The following PKHD1L1 variants were observed in gnomAD, a reference collection of about 807,000 sequenced individuals.
The protein encoded by PKHD1L1 is PKHD1 like 1.
PKHD1L1 carries 434 observed loss-of-function variants against 462.9 expected under a neutral mutation model. The ratio of observed to expected loss-of-function variants is 0.94; its 90% confidence interval spans 0.87 to 1.02. PKHD1L1 has a LOEUF of 1.02. Among genes scored for constraint, PKHD1L1 ranks in the 50% least tolerant of loss-of-function variants. The probability of loss-of-function intolerance (pLI) is 0.00; values close to 1 mark genes in which losing one functional copy is unlikely to be tolerated. For missense variants in PKHD1L1, 5,202 were observed against 5,096.1 expected (o/e 1.02, Z -0.63); for synonymous variants, 1,781 against 1,750.0 (o/e 1.02, Z -0.44).
In PKHD1L1 at chr8:109,485,058, T is replaced by C. The variant is rs1289689358; in HGVS notation, c.9591T>C (p.Ile3197=). The C allele has an allele frequency of 2.5e-6, 4 of 1,594,008 alleles. No homozygotes were observed. Among genetic ancestry groups the C allele is most frequent in the African/African-American group, 1.3e-5 (1 of 74,112 alleles). Reference sequence around the variant, plus strand: ...ATTTTTCTAAGGAGGGAGAAGAGATTGTGATAACAACCACAAGCTACGATT... The same window carrying C: ...ATTTTTCTAAGGAGGGAGAAGAGATCGTGATAACAACCACAAGCTACGATT... ...DAVDWQEGEE[I]VITTTSYDFH... is the part of the protein sequence containing the mutation. Residue 3197 remains isoleucine (I), a synonymous_variant, in exon 58 of 78, where the codon ATT becomes ATC. Coordinates refer to ENST00000378402, the MANE Select transcript of PKHD1L1 (RefSeq NM_177531.6).
intron 73 of PKHD1L1, among the ~76,000 whole-genome samples, chr8:109,520,918 T>C (rs2131024256): frequency 6.6e-6 from 1 of 152,218 alleles, no homozygotes; most frequent in South Asian, 2.1e-4. Flanking sequence ...GACCTGCCAC[T>C]CCATGCCAAA....
chr8:109,457,779 A>G lies in PKHD1L1; in HGVS notation c.7004+1388A>G, dbSNP rs571301613. Among the ~76,000 whole-genome samples, 41 of 152,342 alleles carry G rather than the reference A, an allele frequency of 2.7e-4. 1 individual carries two copies. The South Asian group carries it at 6.4e-3, about 24-fold the overall frequency. ...CAACAAAGGAAGGAAAGATGTGTTT[A>G]GGTACATACAACATATGAAAATGCT... On this transcript the variant is annotated intron_variant, in intron 46 of 77. Coordinates refer to ENST00000378402, the MANE Select transcript of PKHD1L1 (RefSeq NM_177531.6).
chr8:109,516,996 G>A (rs1237229364), intron 72 of PKHD1L1, among the ~76,000 whole-genome samples: 1 of 151,942 alleles, frequency 6.6e-6, no homozygotes, highest in Non-Finnish European at 1.5e-5. Flanking sequence ...TCACAGTAAT[G>A]AAAAAAGCAG....
At chr8:109,371,764 C>T (rs1182555674) in intron 2 of PKHD1L1, among the ~76,000 whole-genome samples, 1 of 151,704 alleles carries the variant, frequency 6.6e-6, no homozygotes, top group Admixed American at 6.6e-5. Flanking sequence ...ATAGGGAATC[C>T]TTTCCCCATT....
chr8:109,496,404 G>A (rs974260454), intron 63 of PKHD1L1, among the ~76,000 whole-genome samples: 1 of 152,198 alleles, frequency 6.6e-6, no homozygotes, highest in Non-Finnish European at 1.5e-5. Flanking sequence ...ATGGAAAGAT[G>A]TTCAGGGGAA....
intron 56 of PKHD1L1, 28 bp downstream of exon 56, chr8:109,481,590 C>T: frequency 1.3e-6 from 2 of 1,524,172 alleles, no homozygotes; most frequent in Non-Finnish European, 1.8e-6. Context: ...CCAAAAGTGT[C>T]ACATCTGTTT....
chr8:109,454,774 G>A lies in PKHD1L1; in HGVS notation c.6796G>A (p.Gly2266Ser). The A allele has an allele frequency of 6.2e-7, 1 of 1,613,798 alleles. No individual in the cohort carries two copies. The highest frequency in any genetic ancestry group is 1.7e-5 in the Admixed American group (1 of 60,006). Reference protein sequence around the residue: ...FQHKAVITLHGHLRSPELPVY... With the variant: ...FQHKAVITLHSHLRSPELPVY... ...ACACAAGGCTGTCATTACCTTGCAT[G>A]GTCACCTGCGATCTCCTGAGCTCCC... Residue 2266 changes from glycine to serine, a missense_variant, in exon 45 of 78, where the codon GGT becomes AGT. Gly to Ser is a moderately conservative substitution (Grantham distance 56). Around this residue, in one of 3 missense-constraint regions of PKHD1L1, gnomAD observed 4,497 missense variants for 4,336.8 expected, o/e 1.04. Transcript: ENST00000378402.
At chr8:109,396,753 G>T (rs182374762) in intron 11 of PKHD1L1, among the ~76,000 whole-genome samples, 5 of 152,286 alleles carry the variant, frequency 3.3e-5, no homozygotes, top group African/African-American at 1.2e-4. Flanking sequence ...TGTGATTGTG[G>T]GAATCTTCCC....
At position 109,420,505 on chromosome 8, in the gene PKHD1L1, T is replaced by G; in HGVS notation, c.2525-13T>G. 6.7e-7 allele frequency: 1 copy of G among 1,503,604 alleles called. No individual in the cohort carries two copies. Among genetic ancestry groups the G allele is most frequent in the South Asian group, 1.3e-5 (1 of 74,666 alleles). 93.1% of individuals were successfully genotyped at this position (1,503,604 alleles called of 1,614,324 possible). On this transcript the variant is annotated splice_polypyrimidine_tract_variant and intron_variant, in intron 22 of 77. Transcript: ENST00000378402. The stretch of plus-strand genomic sequence containing the variant: ...TTTTACACCAACCTAATATTTTTAT[T>G]TATATTCTTTAGAAATGCCCAAGAG...
chr8:109,528,494 C>T (rs1820925480), intron 77 of PKHD1L1, among the ~76,000 whole-genome samples: 1 of 152,126 alleles, frequency 6.6e-6, no homozygotes. Flanking sequence ...AAATCATTTC[C>T]AGAAAGAATT....
At chr8:109,470,553 A>G in intron 50 of PKHD1L1, 4 of 1,608,714 alleles carry the variant, frequency 2.5e-6, no homozygotes, top group Non-Finnish European at 3.4e-6. Flanking sequence ...CCTTTATTGC[A>G]GGAACTATTC....
intron 43 of PKHD1L1, among the ~76,000 whole-genome samples, chr8:109,453,879 A>G (rs1228132642): frequency 6.6e-6 from 1 of 152,184 alleles, no homozygotes; most frequent in Non-Finnish European, 1.5e-5. Context: ...TGAGCTATTT[A>G]GTAGCATCTA....
intron 75 of PKHD1L1, among the ~76,000 whole-genome samples, 165 bp from the exon 76 acceptor site, chr8:109,523,068 C>T (rs536416078): frequency 4.5e-4 from 69 of 152,178 alleles, no homozygotes; most frequent in Non-Finnish European, 8.5e-4. Flanking sequence ...TTATGTTAAA[C>T]GAACTTCTGC....
At position 109,459,430 on chromosome 8, in the gene PKHD1L1, A is replaced by G. The variant is rs369723060; in HGVS notation, c.7005-165A>G. 1.5e-4 allele frequency among the ~76,000 whole-genome samples: 19 copies of G among 127,868 alleles called. No individual in the cohort carries two copies. In the East Asian group the frequency reaches 3.3e-3, roughly 22 times the overall value. 83.9% of individuals were successfully genotyped at this position (127,868 alleles called of 152,430 possible). A position where few individuals can be genotyped will look rare whatever the true frequency, so the allele number is the denominator to read the frequency against. On this transcript the variant is annotated intron_variant, in intron 46 of 77. Coordinates refer to ENST00000378402, the MANE Select transcript of PKHD1L1 (RefSeq NM_177531.6). ...TATATTTGTAAAACTTAGTTAATCA[A>G]GCAAGAATAAAATATTTTTTCTAAT...
At chr8:109,405,769 G>C (rs1813504700) in intron 16 of PKHD1L1, among the ~76,000 whole-genome samples, 1 of 152,052 alleles carries the variant, frequency 6.6e-6, no homozygotes, top group African/African-American at 2.4e-5. Flanking sequence ...GTGATGATGG[G>C]TTGATAGGTG....
chr8:109,503,316 A>AAACAAAC (rs1819529242), intron 67 of PKHD1L1, among the ~76,000 whole-genome samples: 1 of 51,192 alleles, frequency 2.0e-5, no homozygotes, highest in African/African-American at 1.1e-4. Context: ...AAAAACAAAC[A>AAACAAAC]AAAAAAAAAC....
chr8:109,504,386 A>G lies in PKHD1L1; in HGVS notation c.10888A>G (p.Thr3630Ala). 6.5e-7 allele frequency: 1 copy of G among 1,549,938 alleles called. No homozygotes were observed. Residue 3630 changes from threonine to alanine, a missense_variant, in exon 68 of 78, where the codon ACT (threonine) becomes GCT (alanine). Around this residue, in one of 3 missense-constraint regions of PKHD1L1, gnomAD observed 698 missense variants for 736.3 expected, o/e 0.95. Coordinates refer to ENST00000378402, the MANE Select transcript of PKHD1L1 (RefSeq NM_177531.6). ...CSGETNVIFI[T>A]NPLNEDLQHP... ...AGGGGAAACTAATGTTATATTCATTACTAACCCTTTAAATGAGGATTTACA... is the reference window on the plus strand; with the variant it reads ...AGGGGAAACTAATGTTATATTCATTGCTAACCCTTTAAATGAGGATTTACA...
At chr8:109,441,719 G>A (rs1459597547) in intron 34 of PKHD1L1, among the ~76,000 whole-genome samples, 2 of 151,986 alleles carry the variant, frequency 1.3e-5, no homozygotes, top group African/African-American at 2.4e-5. Context: ...AATATTCTAT[G>A]TAAGATTTCT....
At chr8:109,365,672 G>A (rs1456480307) in intron 2 of PKHD1L1, among the ~76,000 whole-genome samples, 1 of 152,140 alleles carries the variant, frequency 6.6e-6, no homozygotes, top group African/African-American at 2.4e-5. Flanking sequence ...CGAGAGAAAT[G>A]CTCAGATTAA....
Sources: allele counts gnomAD v4.1 joint callset (sites outside exome capture counted in the v4.1 genomes callset), GRCh38; gene constraint gnomAD v4.1.1; regional missense constraint gnomAD v4.1.1; transcripts MANE v1.5; gene names NCBI Gene and HGNC (gene_info 2026-07-23, HGNC 2026-07-21).